Variants in GPHN observed in about 807,000 individuals in gnomAD.
The protein encoded by GPHN is gephyrin.
GPHN carries 17 observed loss-of-function variants against 95.5 expected under a neutral mutation model. That is an observed-to-expected ratio of 0.18 (90% CI 0.12 to 0.27). GPHN has a LOEUF of 0.27. Among genes scored for constraint, GPHN ranks in the 10% least tolerant of loss-of-function variants. GPHN has a pLI of 1.00. For missense variants in GPHN, 660 were observed against 978.1 expected (o/e 0.67, Z 4.34); for synonymous variants, 320 against 322.5 (o/e 0.99, Z 0.08).
At chr14:67,355,876 G>T in the GPHN span, among the ~76,000 whole-genome samples, 1 of 151,840 alleles carries the variant, frequency 6.6e-6, no homozygotes, top group Non-Finnish European at 1.5e-5. Flanking sequence ...AGGGCACACC[G>T]GTAATCCCAT....
At chr14:67,464,532 C>T in the GPHN span, among the ~76,000 whole-genome samples, 5 of 152,136 alleles carry the variant, frequency 3.3e-5, no homozygotes, top group African/African-American at 9.7e-5. Context: ...CACGCAGCAG[C>T]CACACCAGCC....
intron 21 of GPHN, among the ~76,000 whole-genome samples, chr14:67,171,759 G>A (rs528361084): frequency 2.0e-4 from 30 of 152,196 alleles, no homozygotes; most frequent in African/African-American, 6.3e-4. Context: ...AGAAACCCTG[G>A]TGAGCACAGA....
the GPHN span, among the ~76,000 whole-genome samples, chr14:67,599,154 C>T: frequency 1.3e-5 from 2 of 152,166 alleles, no homozygotes; most frequent in East Asian, 3.8e-4. Flanking sequence ...GAAACAATAT[C>T]CAAGTTACAA....
intron 5 of GPHN, among the ~76,000 whole-genome samples, chr14:66,910,489 T>A (rs2065620114): frequency 6.6e-6 from 1 of 151,960 alleles, no homozygotes; most frequent in Non-Finnish European, 1.5e-5. Flanking sequence ...ATTACTTTTA[T>A]ACAGTAAAAC....
At chr14:67,027,541 G>A (rs2073990385) in intron 10 of GPHN, among the ~76,000 whole-genome samples, 1 of 152,098 alleles carries the variant, frequency 6.6e-6, no homozygotes. Flanking sequence ...ATGTTGCCCA[G>A]GCTGGAACTT....
the GPHN span, chr14:67,656,321 G>C: frequency 8.6e-7 from 1 of 1,168,910 alleles, no homozygotes; most frequent in Non-Finnish European, 1.1e-6. Flanking sequence ...CCTGAATACA[G>C]AACTGCTGTA....
intron 1 of GPHN, among the ~76,000 whole-genome samples, chr14:66,584,113 G>T (rs1462585203): frequency 6.6e-6 from 1 of 152,088 alleles, no homozygotes; most frequent in East Asian, 1.9e-4. Flanking sequence ...TCCCTTGTAA[G>T]TTGGATTCCT....
intron 1 of GPHN, among the ~76,000 whole-genome samples, chr14:66,603,039 A>G (rs1052220309): frequency 2.0e-5 from 3 of 151,890 alleles, no homozygotes; most frequent in Non-Finnish European, 4.4e-5. Flanking sequence ...CAAGACTAAG[A>G]TAGGTGTCAC....
intron 2 of GPHN, among the ~76,000 whole-genome samples, chr14:66,758,183 C>A (rs934741761): frequency 6.6e-6 from 1 of 152,190 alleles, no homozygotes; most frequent in African/African-American, 2.4e-5. Context: ...AGAGGAAAGG[C>A]TGCCACACAG....
the GPHN span, among the ~76,000 whole-genome samples, chr14:67,232,513 A>G: frequency 6.6e-6 from 1 of 152,218 alleles, no homozygotes; most frequent in Non-Finnish European, 1.5e-5. Flanking sequence ...GACCTGCAGC[A>G]AGGGAGAAAT....
At chr14:67,410,265 C>T in the GPHN span, among the ~76,000 whole-genome samples, 1 of 152,030 alleles carries the variant, frequency 6.6e-6, no homozygotes, top group South Asian at 2.1e-4. Context: ...AGGAGAAGGC[C>T]TCCAAAACTC....
chr14:67,605,358 T>G, the GPHN span, among the ~76,000 whole-genome samples: 1 of 152,214 alleles, frequency 6.6e-6, no homozygotes, highest in Non-Finnish European at 1.5e-5. Context: ...TCTCCCTTTT[T>G]ATTTATTTAT....
At chr14:67,647,983 T>C in the GPHN span, 4 of 1,460,382 alleles carry the variant, frequency 2.7e-6, no homozygotes, top group Middle Eastern at 1.7e-4. Flanking sequence ...ATAAGAAGGA[T>C]GAGTGTCCAA....
chr14:67,613,538 C>T, the GPHN span: 1 of 186,072 alleles, frequency 5.4e-6, no homozygotes, highest in East Asian at 1.3e-4. Flanking sequence ...CAAACCCAAC[C>T]CCTCCCCACC....
At chr14:67,237,739 T>C in the GPHN span, among the ~76,000 whole-genome samples, 3 of 152,222 alleles carry the variant, frequency 2.0e-5, no homozygotes, top group African/African-American at 7.2e-5. Flanking sequence ...GGGTATTTAC[T>C]ATGGTGACTG....
chr14:66,971,409 C>T (rs1278580610), intron 9 of GPHN, among the ~76,000 whole-genome samples: 1 of 152,104 alleles, frequency 6.6e-6, no homozygotes. Flanking sequence ...TTTTCCACAA[C>T]CAAAGAAAAT....
chr14:66,777,828 A>T (rs2153461966), intron 3 of GPHN, among the ~76,000 whole-genome samples: 1 of 152,324 alleles, frequency 6.6e-6, no homozygotes, highest in South Asian at 2.1e-4. Context: ...GTATCTCAAA[A>T]TAATAAGAGC....
chr14:67,279,694 A>G, the GPHN span: 5 of 640,438 alleles, frequency 7.8e-6, no homozygotes, highest in South Asian at 7.3e-5. Context: ...CCGTATAACT[A>G]TTGTTTACTG....
chr14:66,857,138 T>C (rs1264233834), intron 4 of GPHN, among the ~76,000 whole-genome samples: 1 of 152,060 alleles, frequency 6.6e-6, no homozygotes, highest in Admixed American at 6.5e-5. Context: ...AAAATTTGAA[T>C]GTAATGATAT....
Sources: allele counts gnomAD v4.1 joint callset (sites outside exome capture counted in the v4.1 genomes callset), GRCh38; gene constraint gnomAD v4.1.1; transcripts MANE v1.5; gene names NCBI Gene and HGNC (gene_info 2026-07-23, HGNC 2026-07-21).